The following SNRNP25 variants were observed in gnomAD, a reference collection of about 807,000 sequenced individuals.
SNRNP25 encodes the protein small nuclear ribonucleoprotein U11/U12 subunit 25.
SNRNP25 carries 21 observed loss-of-function variants against 23.9 expected under a neutral mutation model. That is an observed-to-expected ratio of 0.88 (90% CI 0.62 to 1.27). SNRNP25 has a LOEUF of 1.27. SNRNP25 is among the 50% of genes most tolerant of loss of function. SNRNP25 has a pLI of 0.00. For synonymous variants in SNRNP25, 63 were observed against 60.4 expected, an observed-to-expected ratio of 1.04 and a Z score of -0.20; for missense variants, 160 against 156.9, an observed-to-expected ratio of 1.02 and a Z score of -0.11.
intron 4 of SNRNP25, 61 bp from the exon 5 acceptor site, chr16:57,025 G>A: frequency 6.4e-7 from 1 of 1,573,588 alleles, no homozygotes; most frequent in South Asian, 1.1e-5. Context: ...AGCCTCAGGA[G>A]GGGAGTCACA....
chr16:56,552 A>C lies in SNRNP25; in HGVS notation c.253A>C (p.Arg85=). The change falls in exon 4 of 5, where the codon AGG becomes CGG. Residue 85 remains arginine, a synonymous_variant. Coordinates refer to ENST00000293861, the MANE Select transcript of SNRNP25 (RefSeq NM_024571.4). Reference sequence around the variant, plus strand: ...CCCCTCTTGCAGGTCCTACGTGTGGAGGACGTACCATCTGACCTCTGCAGG... The same window carrying C: ...CCCCTCTTGCAGGTCCTACGTGTGGCGGACGTACCATCTGACCTCTGCAGG... The part of the protein sequence containing the change: ...IQHISWSYVW[R]TYHLTSAGEK... The C allele has an allele frequency of 3.1e-6, 5 of 1,614,040 alleles. No individual in the cohort carries two copies. Among genetic ancestry groups the C allele is most frequent in the Non-Finnish European group, 4.2e-6 (5 of 1,180,026 alleles).
In SNRNP25 at chr16:53,934, C is replaced by A; in HGVS notation, c.-83C>A. On this transcript the variant is annotated 5_prime_UTR_variant, in exon 1 of 5. Transcript: ENST00000293861. ...GAGGAGACGGAGGCCGCGGGTGGGC[C>A]CGAGGCGCAAGAGGAAGATGAGGAC... 2.6e-6 allele frequency: 4 copies of A among 1,566,704 alleles called. No homozygotes were observed. The highest frequency in any genetic ancestry group is 1.7e-4 in the Middle Eastern group (1 of 6,002).
At chr16:54,145 G>C in intron 1 of SNRNP25, 87 bp downstream of exon 1, 1 of 1,435,422 alleles carries the variant, frequency 7.0e-7, no homozygotes, top group Non-Finnish European at 9.5e-7. Context: ...GGTGCTGGTG[G>C]GAGACTGCGG....
chr16:54,335 CG>C (rs1897379897), intron 1 of SNRNP25, among the ~76,000 whole-genome samples: 1 of 152,286 alleles, frequency 6.6e-6, no homozygotes, highest in Non-Finnish European at 1.5e-5. Flanking sequence ...CTGCGTTGCC[CG>C]GGCTGGAGTG....
At chr16:55,354 G>C (rs143692057) in intron 1 of SNRNP25, 105 bp from the exon 2 acceptor site, 1 of 986,944 alleles carries the variant, frequency 1.0e-6, no homozygotes, top group African/African-American at 1.6e-5. Context: ...CTTGCCCTTC[G>C]TAAAATGGAG....
At chr16:55,222 C>G (rs1897391086) in intron 1 of SNRNP25, 1 of 462,572 alleles carries the variant, frequency 2.2e-6, no homozygotes, top group African/African-American at 2.0e-5. Context: ...ATTCTCTTGC[C>G]TGTTTCTTAG....
At chr16:55,983 A>G (rs1284028702) in intron 3 of SNRNP25, 101 bp downstream of exon 3, 7 of 1,024,970 alleles carry the variant, frequency 6.8e-6, no homozygotes, top group Non-Finnish European at 7.3e-6. Context: ...TCAGCTCTGC[A>G]TGAGTACAGC....
intron 4 of SNRNP25, among the ~76,000 whole-genome samples, chr16:56,863 G>A (rs1003666343): frequency 5.3e-5 from 8 of 152,234 alleles, no homozygotes; most frequent in Non-Finnish European, 1.2e-4. Flanking sequence ...GCATGGAGGC[G>A]AAAGGCTGTG....
rs750737039 is a variant in SNRNP25 at position 53,957 on chromosome 16, G to T, written c.-60G>T. On this transcript the variant is annotated 5_prime_UTR_variant, in exon 1 of 5. Coordinates refer to ENST00000293861, the MANE Select transcript of SNRNP25 (RefSeq NM_024571.4). ...GCCCGAGGCGCAAGAGGAAGATGAGGACGAAGAAGAGGCGCTGCCGCACTC... is the reference window on the plus strand; with the variant it reads ...GCCCGAGGCGCAAGAGGAAGATGAGTACGAAGAAGAGGCGCTGCCGCACTC... 1 of 1,595,786 alleles carries T rather than the reference G, an allele frequency of 6.3e-7. No individual in the cohort carries two copies.
At position 57,314 on chromosome 16, in the gene SNRNP25, C is replaced by T; in HGVS notation, c.*171C>T. The T allele has an allele frequency of 3.0e-6, 2 of 664,176 alleles. No homozygotes were observed. Among genetic ancestry groups the T allele is most frequent in the South Asian group, 3.6e-5 (2 of 56,242 alleles). 41.1% of individuals were successfully genotyped at this position (664,176 alleles called of 1,614,324 possible). On this transcript the variant is annotated 3_prime_UTR_variant, in exon 5 of 5. Coordinates refer to ENST00000293861, the MANE Select transcript of SNRNP25 (RefSeq NM_024571.4). The stretch of plus-strand genomic sequence containing the variant: ...AACCTGGGGGCCCTCAGGACTAGGA[C>T]AGGGTGAGCCAGTGCTCCCTCCTTT...
At chr16:55,975 A>C in intron 3 of SNRNP25, 93 bp downstream of exon 3, 3 of 1,118,502 alleles carry the variant, frequency 2.7e-6, no homozygotes, top group Non-Finnish European at 3.9e-6. Context: ...AACAGCTCTC[A>C]GCTCTGCATG....
In SNRNP25 at chr16:54,480, G is replaced by A. The variant is rs543589426; in HGVS notation, c.42+422G>A. On this transcript the variant is annotated intron_variant, in intron 1 of 4. Transcript: ENST00000293861. ...GCCCAGGCTGATCTGAAACTCCTGG[G>A]CTCAGGCGATCCTCCTGCCTCGGCC... 2.2e-4 allele frequency among the ~76,000 whole-genome samples: 34 copies of A among 152,124 alleles called. No homozygotes were observed. In the South Asian group the frequency reaches 5.4e-3, roughly 24 times the overall value.
At chr16:54,101 G>C (rs768873516) in intron 1 of SNRNP25, 43 bp downstream of exon 1, 5 of 1,571,114 alleles carry the variant, frequency 3.2e-6, no homozygotes, top group Non-Finnish European at 4.3e-6. Flanking sequence ...TCGTTCCCCG[G>C]GGTCCGGGCA....
Position 57,082 on chromosome 16 carries a change from T to C in SNRNP25, c.315-4T>C. The C allele has an allele frequency of 6.2e-7, 1 of 1,614,128 alleles. No individual in the cohort carries two copies. Among genetic ancestry groups the C allele is most frequent in the Non-Finnish European group, 8.5e-7 (1 of 1,180,000 alleles). On this transcript the variant is annotated splice_region_variant and splice_polypyrimidine_tract_variant and intron_variant, in intron 4 of 4. Transcript: ENST00000293861. Reference sequence around the variant, plus strand: ...GGTGCTTTATGCCTTTCCTTCTTTTTCAGCTACGGCATCCGGAATCGAGAC... The same window carrying C: ...GGTGCTTTATGCCTTTCCTTCTTTTCCAGCTACGGCATCCGGAATCGAGAC...
At chr16:54,705 ACTGT>A (rs1317408511) in intron 1 of SNRNP25, among the ~76,000 whole-genome samples, 1 of 152,130 alleles carries the variant, frequency 6.6e-6, no homozygotes, top group Non-Finnish European at 1.5e-5. Context: ...TTGGGACGAT[ACTGT>A]CTTTTTATTT....
chr16:56,909 T>C (rs1315529050), intron 4 of SNRNP25, among the ~76,000 whole-genome samples, 177 bp from the exon 5 acceptor site: 4 of 151,962 alleles, frequency 2.6e-5, no homozygotes, highest in African/African-American at 9.7e-5. Flanking sequence ...CCCCGGGGAC[T>C]TGTGAGTCGG....
At position 55,769 on chromosome 16, in the gene SNRNP25, G is replaced by C. The variant is rs1404396923; in HGVS notation, c.134-8G>C. ...TGGATCTTCTCCCATCTGTGTCCGT[G>C]GTTGCAGCCGTGGTTGTAGTGCAGA... On this transcript the variant is annotated splice_polypyrimidine_tract_variant and splice_region_variant and intron_variant, in intron 2 of 4. Coordinates refer to ENST00000293861, the MANE Select transcript of SNRNP25 (RefSeq NM_024571.4). The C allele has an allele frequency of 2.5e-6, 4 of 1,613,874 alleles. No homozygotes were observed. Among genetic ancestry groups the C allele is most frequent in the Non-Finnish European group, 3.4e-6 (4 of 1,179,852 alleles).
chr16:55,977 C>A, intron 3 of SNRNP25, 95 bp downstream of exon 3: 1 of 1,100,490 alleles, frequency 9.1e-7, no homozygotes, highest in African/African-American at 1.5e-5. Flanking sequence ...CAGCTCTCAG[C>A]TCTGCATGAG....
chr16:54,122 G>A, intron 1 of SNRNP25, 64 bp downstream of exon 1: 1 of 1,531,572 alleles, frequency 6.5e-7, no homozygotes, highest in Non-Finnish European at 8.8e-7. Flanking sequence ...TCCGGGCGCC[G>A]GCAGCCTCCG....
Sources: gnomAD v4.1 joint callset for allele counts (sites outside exome capture counted in the v4.1 genomes callset) on GRCh38, gnomAD v4.1.1 for gene constraint, MANE v1.5 for transcripts, NCBI Gene and HGNC (gene_info 2026-07-23, HGNC 2026-07-21) for gene names.